Variants in DHX15 observed in about 807,000 individuals in gnomAD.
The protein encoded by DHX15 is ATP-dependent RNA helicase DHX15.
In DHX15, 11 loss-of-function variants were observed where a neutral mutation model predicts 94.4. That is an observed-to-expected ratio of 0.12 (90% CI 0.07 to 0.19). The LOEUF is 0.19. Among genes scored for constraint, DHX15 ranks in the 10% least tolerant of loss-of-function variants. The probability of loss-of-function intolerance (pLI) is 1.00; values close to 1 mark genes in which losing one functional copy is unlikely to be tolerated. For missense variants in DHX15, 304 were observed against 988.5 expected, an observed-to-expected ratio of 0.31 and a Z score of 9.29; for synonymous variants, 338 against 329.9, an observed-to-expected ratio of 1.02 and a Z score of -0.27.
chr4:24,547,931 ATATATATATATC>A lies in DHX15; in HGVS notation c.1248+912_1248+923del, dbSNP rs1721479212. On this transcript the variant is annotated intron_variant, in intron 6 of 13. Coordinates refer to ENST00000336812, the MANE Select transcript of DHX15 (RefSeq NM_001358.3). ...TATATATATATATATATATATATAT[ATATATATATATC>A]TATATCTATATCTATATCTATCTGC... 2.5e-3 allele frequency among the ~76,000 whole-genome samples: 89 copies of A among 36,264 alleles called. 1 individual carries two copies. The highest frequency in any genetic ancestry group is 3.8e-3 in the Non-Finnish European group (76 of 19,996). 23.8% of individuals were successfully genotyped at this position (36,264 alleles called of 152,430 possible). A position where few individuals can be genotyped will look rare whatever the true frequency, so the allele number is the denominator to read the frequency against.
intron 6 of DHX15, among the ~76,000 whole-genome samples, chr4:24,544,820 T>C (rs115560027): frequency 6.6e-6 from 1 of 152,094 alleles, no homozygotes. Flanking sequence ...CTCTATAAAC[T>C]ATACAGAATA....
rs115917221 is a variant in DHX15 at position 24,577,677 on chromosome 4, A to C, written c.72-999T>G. ...CTTCCAGTTACTAGAGATTGACCTT[A>C]ATAAGTCATTTTAAAAGTATCTATG... On this transcript the variant is annotated intron_variant, in intron 1 of 13. Transcript: ENST00000336812. 2.2e-3 allele frequency among the ~76,000 whole-genome samples: 339 copies of C among 152,252 alleles called. 2 individuals carry two copies. The highest frequency in any genetic ancestry group is 8.0e-3 in the African/African-American group (331 of 41,524).
In DHX15 at chr4:24,542,700, T is replaced by C. The variant is rs182879334; in HGVS notation, c.1335+240A>G. ...TACAAGCCAAAACACCCACCGTCAC[T>C]ACACTGAAACAAAGAAAGCAAAGCA... is the stretch of plus-strand genomic sequence containing the variant. On this transcript the variant is annotated intron_variant, in intron 7 of 13. Coordinates refer to ENST00000336812, the MANE Select transcript of DHX15 (RefSeq NM_001358.3). Among the ~76,000 whole-genome samples the C allele has an allele frequency of 3.5e-3, 530 of 151,848 alleles. 4 individuals carry two copies. Among genetic ancestry groups the C allele is most frequent in the South Asian group, 0.011 (53 of 4,804 alleles).
chr4:24,547,943 CTATATCTATATCTA>C (rs1721483916), intron 6 of DHX15, among the ~76,000 whole-genome samples: 25 of 72,138 alleles, frequency 3.5e-4, no homozygotes, highest in African/African-American at 1.3e-3. Flanking sequence ...ATATATATAT[CTATATCTATATCTA>C]TATCTATCTG....
At chr4:24,533,197 T>A in intron 11 of DHX15, 143 bp from the exon 12 acceptor site, 1 of 726,618 alleles carries the variant, frequency 1.4e-6, no homozygotes, top group Non-Finnish European at 2.4e-6. Context: ...TTAAATGAAC[T>A]GCAATGTTAC....
At chr4:24,550,437 T>C (rs1721572407) in intron 5 of DHX15, among the ~76,000 whole-genome samples, 1 of 152,270 alleles carries the variant, frequency 6.6e-6, no homozygotes, top group African/African-American at 2.4e-5. Context: ...AAACACACCG[T>C]ATGGCTGTGC....
intron 10 of DHX15, chr4:24,539,888 C>T: frequency 2.9e-6 from 1 of 348,714 alleles, no homozygotes; most frequent in East Asian, 4.4e-5. Flanking sequence ...CTCAAGAGAG[C>T]CAATGCTTTA....
Position 24,576,389 on chromosome 4 carries a change from AGTT to A in DHX15, c.358_360del (p.Asn120del). Reference sequence around the variant, plus strand: ...TCATAGTATCGAGGAGTATGGGGTAAGTTGGTGAACGGATTAATGCACTGTGGA... The same window carrying A: ...TCATAGTATCGAGGAGTATGGGGTAAGGTGAACGGATTAATGCACTGTGGA... On this transcript the variant is annotated inframe_deletion, in exon 2 of 14. Transcript: ENST00000336812. The A allele has an allele frequency of 6.2e-7, 1 of 1,614,182 alleles. No individual in the cohort carries two copies.
chr4:24,544,623 G>C (rs1721385287), intron 6 of DHX15, among the ~76,000 whole-genome samples: 1 of 152,202 alleles, frequency 6.6e-6, no homozygotes, highest in Non-Finnish European at 1.5e-5. Context: ...TAGAAAGTCA[G>C]TTTCTTGTAG....
chr4:24,539,194 T>C (rs1461713765), intron 10 of DHX15: 1 of 152,162 alleles, frequency 6.6e-6, no homozygotes, highest in Non-Finnish European at 1.5e-5. Context: ...TAATTTTACA[T>C]TTAAATTTTT....
chr4:24,551,052 T>C (rs969838960), intron 5 of DHX15, among the ~76,000 whole-genome samples: 1 of 152,182 alleles, frequency 6.6e-6, no homozygotes, highest in East Asian at 1.9e-4. Flanking sequence ...CATGACTATA[T>C]TCTAACACAT....
chr4:24,538,659 A>C (rs1305144916), intron 10 of DHX15: 1 of 152,164 alleles, frequency 6.6e-6, no homozygotes, highest in African/African-American at 2.4e-5. Flanking sequence ...ATTTAAAAAC[A>C]GTCCATTTAC....
chr4:24,564,000 G>T (rs918144381), intron 3 of DHX15, among the ~76,000 whole-genome samples: 1 of 150,620 alleles, frequency 6.6e-6, no homozygotes, highest in Non-Finnish European at 1.5e-5. Flanking sequence ...CTGGGAGGCG[G>T]AGCTTGCAGT....
intron 3 of DHX15, among the ~76,000 whole-genome samples, chr4:24,562,228 A>G (rs1721890776): frequency 1.3e-5 from 2 of 152,154 alleles, no homozygotes; most frequent in Non-Finnish European, 2.9e-5. Flanking sequence ...TGAACCTAAA[A>G]GTTAAAAAAG....
At chr4:24,533,622 A>C (rs1721134936) in intron 11 of DHX15, 1 of 155,030 alleles carries the variant, frequency 6.5e-6, no homozygotes. Flanking sequence ...ACAAGACCTA[A>C]GTCTAAGCAC....
chr4:24,542,023 C>A lies in DHX15; in HGVS notation c.1336-1G>T. The stretch of plus-strand genomic sequence containing the variant: ...CAACTCTGATTCGAGGATTGTAGAC[C>A]TATTGGAATTGAAATAACACAAGAG... On this transcript the variant is annotated splice_acceptor_variant, in intron 7 of 13. Transcript: ENST00000336812. LOFTEE classifies it high-confidence loss of function. The A allele has an allele frequency of 1.3e-6, 2 of 1,589,518 alleles. No individual in the cohort carries two copies. The highest frequency in any genetic ancestry group is 1.3e-5 in the African/African-American group (1 of 74,200).
chr4:24,554,369 C>A (rs1721677830), intron 5 of DHX15, among the ~76,000 whole-genome samples: 1 of 152,194 alleles, frequency 6.6e-6, no homozygotes, highest in Admixed American at 6.5e-5. Flanking sequence ...CACCCAAGTT[C>A]ACTCACAAGC....
At chr4:24,550,008 G>A (rs1332948807) in intron 5 of DHX15, among the ~76,000 whole-genome samples, 2 of 143,864 alleles carry the variant, frequency 1.4e-5, no homozygotes, top group South Asian at 2.2e-4. Context: ...CGGGAGAATC[G>A]CTTGAACCCG....
intron 5 of DHX15, among the ~76,000 whole-genome samples, chr4:24,553,378 G>C (rs965425444): frequency 2.0e-5 from 3 of 151,944 alleles, no homozygotes; most frequent in Non-Finnish European, 2.9e-5. Context: ...ATGCACTTTG[G>C]AGGAAATGAG....
Sources: allele counts gnomAD v4.1 joint callset (sites outside exome capture counted in the v4.1 genomes callset), GRCh38; gene constraint gnomAD v4.1.1; transcripts MANE v1.5; gene names NCBI Gene and HGNC (gene_info 2026-07-23, HGNC 2026-07-21).